Variants in IFFO2 observed in about 807,000 individuals in gnomAD.
The protein encoded by IFFO2 is intermediate filament family orphan 2.
A neutral mutation model predicts 53.5 loss-of-function variants in IFFO2; 19 were observed. That is an observed-to-expected ratio of 0.36 (90% confidence interval 0.25 to 0.52). The LOEUF is 0.52. Ranked by LOEUF, IFFO2 falls within the 20% of genes least tolerant of loss-of-function variation. The pLI is 0.94. For synonymous variants in IFFO2, 303 were observed against 313.6 expected (o/e 0.97, Z 0.36); for missense variants, 570 against 727.4 (o/e 0.78, Z 2.49).
chr1:18,931,418 C>T (rs1936373391), intron 1 of IFFO2, among the ~76,000 whole-genome samples: 1 of 152,192 alleles, frequency 6.6e-6, no homozygotes, highest in East Asian at 1.9e-4. Flanking sequence ...AGTACCACTG[C>T]CAGCCTCTTC....
At chr1:18,954,810 C>T (rs1398078930) in intron 1 of IFFO2, among the ~76,000 whole-genome samples, 1 of 152,172 alleles carries the variant, frequency 6.6e-6, no homozygotes, top group East Asian at 1.9e-4. Flanking sequence ...GAGTCTGGAC[C>T]CCAGTTCTAG....
rs193006902 is a variant in IFFO2 at position 18,914,092 on chromosome 1, A to G, written c.1104-2009T>C. 1.7e-3 allele frequency among the ~76,000 whole-genome samples: 259 copies of G among 152,146 alleles called. 12 individuals are homozygous for G. The East Asian group carries it at 0.046, about 27-fold the overall frequency. Reference sequence around the variant, plus strand: ...GTGATCCGCCTGCCTCGGCCTCCCAAAGTGCTGGGATTACAGGCGTGAGCC... The same window carrying G: ...GTGATCCGCCTGCCTCGGCCTCCCAGAGTGCTGGGATTACAGGCGTGAGCC... On this transcript the variant is annotated intron_variant, in intron 5 of 8. Coordinates refer to ENST00000455833, the MANE Select transcript of IFFO2 (RefSeq NM_001136265.2).
chr1:18,914,290 C>T (rs1045565964), intron 5 of IFFO2, among the ~76,000 whole-genome samples: 1 of 152,222 alleles, frequency 6.6e-6, no homozygotes, highest in Non-Finnish European at 1.5e-5. Context: ...GCCCATGGGG[C>T]CCCCTGGCTT....
At position 18,916,840 on chromosome 1, in the gene IFFO2, T is replaced by G; in HGVS notation, c.1103+63A>C. On this transcript the variant is annotated intron_variant, in intron 5 of 8. Coordinates refer to ENST00000455833, the MANE Select transcript of IFFO2 (RefSeq NM_001136265.2). The surrounding 1 kb of genome is among the most constrained non-coding windows in gnomAD (Gnocchi z 4.3). ...GGCTACTCTCAGCCCAAGCCTCCCATTCACCGCCCCTGTGCAAGCAATCCG... is the reference window on the plus strand; with the variant it reads ...GGCTACTCTCAGCCCAAGCCTCCCAGTCACCGCCCCTGTGCAAGCAATCCG... The G allele has an allele frequency of 6.5e-7, 1 of 1,533,220 alleles. No homozygotes were observed. Among genetic ancestry groups the G allele is most frequent in the Non-Finnish European group, 8.8e-7 (1 of 1,133,982 alleles). The allele number at this position is 1,533,220 out of a possible 1,614,324, so 95.0% of individuals were successfully genotyped here. A position where few individuals can be genotyped will look rare whatever the true frequency, so the allele number is the denominator to read the frequency against.
intron 1 of IFFO2, among the ~76,000 whole-genome samples, chr1:18,949,130 C>G (rs1273931596): frequency 1.3e-5 from 2 of 152,216 alleles, no homozygotes; most frequent in South Asian, 4.1e-4. Flanking sequence ...CAGCCGAATC[C>G]CTGGACGTGG....
chr1:18,954,040 C>G (rs1311150804), intron 1 of IFFO2, among the ~76,000 whole-genome samples: 1 of 152,238 alleles, frequency 6.6e-6, no homozygotes, highest in African/African-American at 2.4e-5. Flanking sequence ...TGACATTGAC[C>G]ATGAGGGGCG....
At position 18,911,972 on chromosome 1, in the gene IFFO2, C is replaced by T. The variant is rs1324698725; in HGVS notation, c.1215G>A (p.Leu405=). The T allele has an allele frequency of 1.3e-5, 20 of 1,551,594 alleles. No individual in the cohort carries two copies. Among genetic ancestry groups the T allele is most frequent in the Non-Finnish European group, 1.7e-5 (19 of 1,146,996 alleles). ...CAGGCGCTGGGCTTACCTCGCCCTG[C>T]AGGTCGATGGTCGGATTGCAGTTGG... ...DFTNCNPTID[L]QGEQEENLGN... The change falls in exon 6 of 9, where the codon CTG becomes CTA. Residue 405 remains leucine (L), a synonymous_variant. Transcript: ENST00000455833.
chr1:18,911,591 T>G, intron 6 of IFFO2, 115 bp from the exon 7 acceptor site: 2 of 451,042 alleles, frequency 4.4e-6, no homozygotes, highest in Non-Finnish European at 3.4e-6. Flanking sequence ...CAGGCTGGAG[T>G]GCAGAGGTAT....
intron 1 of IFFO2, among the ~76,000 whole-genome samples, chr1:18,946,215 C>T (rs1339957506): frequency 6.6e-6 from 1 of 152,084 alleles, no homozygotes; most frequent in South Asian, 2.1e-4. Context: ...CAAAGTGCTC[C>T]ACGGGTATCA....
At chr1:18,914,295 T>G (rs1936098913) in intron 5 of IFFO2, among the ~76,000 whole-genome samples, 1 of 152,188 alleles carries the variant, frequency 6.6e-6, no homozygotes, top group South Asian at 2.1e-4. Flanking sequence ...TGGGGCCCCC[T>G]GGCTTCCACT....
chr1:18,922,207 T>A (rs1318582183), intron 1 of IFFO2, among the ~76,000 whole-genome samples: 1 of 152,064 alleles, frequency 6.6e-6, no homozygotes, highest in African/African-American at 2.4e-5. Context: ...CCAGGAACTG[T>A]CAAAGCCTAA....
intron 5 of IFFO2, 122 bp from the exon 6 acceptor site, chr1:18,912,205 C>G: frequency 8.2e-7 from 1 of 1,223,974 alleles, no homozygotes; most frequent in South Asian, 1.5e-5. Context: ...TCAGGAAAGA[C>G]AGGGGTAGTA....
At chr1:18,939,151 G>A (rs181537646) in intron 1 of IFFO2, among the ~76,000 whole-genome samples, 212 of 152,314 alleles carry the variant, frequency 1.4e-3, no homozygotes, top group African/African-American at 4.8e-3. Context: ...GGGTGGGAGC[G>A]GAGAAGATGC....
chr1:18,909,549 GT>G (rs998321183), intron 8 of IFFO2, among the ~76,000 whole-genome samples: 1 of 152,106 alleles, frequency 6.6e-6, no homozygotes, highest in African/African-American at 2.4e-5. Context: ...CGTGGGGGCG[GT>G]TTCCCCCATC....
At chr1:18,954,075 G>A (rs750130434) in intron 1 of IFFO2, among the ~76,000 whole-genome samples, 1 of 152,190 alleles carries the variant, frequency 6.6e-6, no homozygotes, top group African/African-American at 2.4e-5. Context: ...CTGTGGCAAG[G>A]CACCAGGCGG....
At chr1:18,913,340 C>T (rs539141570) in intron 5 of IFFO2, among the ~76,000 whole-genome samples, 1 of 152,246 alleles carries the variant, frequency 6.6e-6, no homozygotes, top group Non-Finnish European at 1.5e-5. Context: ...GGCCCGGAGC[C>T]GCCAGGGTCC....
chr1:18,935,091 G>A (rs193213726), intron 1 of IFFO2, among the ~76,000 whole-genome samples: 2 of 152,310 alleles, frequency 1.3e-5, no homozygotes, highest in Admixed American at 1.3e-4. Context: ...TGCCCAGGGA[G>A]CCAAGGAAAA....
intron 1 of IFFO2, among the ~76,000 whole-genome samples, chr1:18,954,491 A>T (rs1475977211): frequency 6.6e-6 from 1 of 152,174 alleles, no homozygotes; most frequent in Non-Finnish European, 1.5e-5. Context: ...ACCTTTAGAG[A>T]TGGAAGGAAG....
At chr1:18,911,499 A>G in intron 6 of IFFO2, 23 bp from the exon 7 acceptor site, 7 of 1,010,640 alleles carry the variant, frequency 6.9e-6, no homozygotes, top group Non-Finnish European at 9.7e-6. Flanking sequence ...AACAAACGGG[A>G]CAGTTTATTT....
Sources: gnomAD v4.1 joint callset for allele counts (sites outside exome capture counted in the v4.1 genomes callset) on GRCh38, gnomAD v4.1.1 for gene constraint, Gnocchi (gnomAD v3.1) non-coding constraint, MANE v1.5 for transcripts, NCBI Gene and HGNC (gene_info 2026-07-23, HGNC 2026-07-21) for gene names.